The following STK32B variants were observed in gnomAD, a reference collection of about 807,000 sequenced individuals.
STK32B encodes serine/threonine-protein kinase 32B.
STK32B carries 43 observed loss-of-function variants against 52.6 expected under a neutral mutation model. The ratio of observed to expected loss-of-function variants is 0.82; its 90% CI spans 0.64 to 1.05. STK32B has a LOEUF of 1.05. Among genes scored for constraint, STK32B ranks in the 50% least tolerant of loss-of-function variants. The pLI, the probability that STK32B is intolerant of heterozygous loss-of-function variation, is 0.00. For synonymous variants in STK32B, 238 were observed against 204.3 expected (o/e 1.17, Z -1.41); for missense variants, 621 against 534.6 (o/e 1.16, Z -1.59).
intron 1 of STK32B, among the ~76,000 whole-genome samples, chr4:5,054,006 T>A (rs941702591): frequency 2.0e-5 from 3 of 146,790 alleles, no homozygotes; most frequent in Non-Finnish European, 3.0e-5. Context: ...TAAATAAATA[T>A]AAATAAATAT....
At chr4:5,330,273 C>A (rs755831181) in intron 3 of STK32B, among the ~76,000 whole-genome samples, 2 of 152,238 alleles carry the variant, frequency 1.3e-5, no homozygotes, top group East Asian at 1.9e-4. Context: ...AATTATTATA[C>A]CCTGTAAGTC....
intron 3 of STK32B, among the ~76,000 whole-genome samples, chr4:5,184,248 C>T (rs1418153214): frequency 6.6e-6 from 1 of 152,126 alleles, no homozygotes; most frequent in African/African-American, 2.4e-5. Flanking sequence ...AGTGTTATTG[C>T]TTGGCCTAAT....
chr4:5,159,689 A>G (rs192506535), intron 2 of STK32B, among the ~76,000 whole-genome samples: 2,286 of 104,600 alleles, frequency 0.022, 401 homozygotes, highest in African/African-American at 0.068. Flanking sequence ...ATATATGAAT[A>G]TATATGAATA....
At chr4:5,278,315 A>G (rs1727970427) in intron 3 of STK32B, among the ~76,000 whole-genome samples, 1 of 152,204 alleles carries the variant, frequency 6.6e-6, no homozygotes, top group African/African-American at 2.4e-5. Context: ...GGTCTGAGCC[A>G]ATGCTGCAGC....
Position 5,277,530 on chromosome 4 carries a change from G to A in STK32B, c.261-53690G>A, listed in dbSNP as rs148879866. On this transcript the variant is annotated intron_variant, in intron 3 of 11. Coordinates refer to ENST00000282908, the MANE Select transcript of STK32B (RefSeq NM_018401.3). The stretch of plus-strand genomic sequence containing the variant: ...TGATTCTTTGTTTGCTTATGAATGC[G>A]CTCCTGGACTCATTGTCTCCATTTG... Among the ~76,000 whole-genome samples, 18 of 152,130 alleles carry A rather than the reference G, an allele frequency of 1.2e-4. 1 individual carries two copies. Among genetic ancestry groups the A allele is most frequent in the South Asian group, 4.2e-4 (2 of 4,818 alleles).
chr4:5,205,180 A>G (rs548842425), intron 3 of STK32B, among the ~76,000 whole-genome samples: 2 of 151,120 alleles, frequency 1.3e-5, no homozygotes. Flanking sequence ...GACTTATATC[A>G]TTGCCTCTCC....
chr4:5,234,084 C>T (rs1054064203), intron 3 of STK32B, among the ~76,000 whole-genome samples: 1 of 152,050 alleles, frequency 6.6e-6, no homozygotes, highest in African/African-American at 2.4e-5. Context: ...GAGGTTTGTT[C>T]TGTTCTGGAC....
At chr4:5,171,856 T>C (rs1719398960) in intron 3 of STK32B, among the ~76,000 whole-genome samples, 1 of 151,066 alleles carries the variant, frequency 6.6e-6, no homozygotes, top group South Asian at 2.1e-4. Context: ...AAGTCATTGG[T>C]AGCTTGATGG....
intron 3 of STK32B, among the ~76,000 whole-genome samples, chr4:5,178,129 C>G (rs1325549747): frequency 1.3e-5 from 2 of 152,246 alleles, no homozygotes; most frequent in Admixed American, 6.5e-5. Context: ...GGCTCTGCCC[C>G]TGCAGCAGAC....
chr4:5,303,476 A>G (rs1342988162), intron 3 of STK32B, among the ~76,000 whole-genome samples: 1 of 151,768 alleles, frequency 6.6e-6, no homozygotes, highest in Non-Finnish European at 1.5e-5. Flanking sequence ...TCATTTGTAT[A>G]TTGTCTCTTT....
chr4:5,088,658 A>G (rs555954144), intron 1 of STK32B, among the ~76,000 whole-genome samples: 1 of 152,130 alleles, frequency 6.6e-6, no homozygotes, highest in East Asian at 1.9e-4. Context: ...AGAGATGGAT[A>G]CTTCAGTTTC....
intron 1 of STK32B, among the ~76,000 whole-genome samples, chr4:5,102,510 CTCCT>C (rs1209793458): frequency 2.9e-4 from 36 of 123,480 alleles, no homozygotes; most frequent in African/African-American, 9.7e-4. Context: ...CCCTCCCTCC[CTCCT>C]TCCTTCTTTC....
chr4:5,335,699 A>G (rs557718903), intron 4 of STK32B, among the ~76,000 whole-genome samples: 1 of 152,182 alleles, frequency 6.6e-6, no homozygotes, highest in Admixed American at 6.5e-5. Flanking sequence ...CGTTGGTTTC[A>G]AAGAACATCT....
chr4:5,122,478 C>G (rs762326900), intron 1 of STK32B, among the ~76,000 whole-genome samples: 1 of 152,098 alleles, frequency 6.6e-6, no homozygotes, highest in South Asian at 2.1e-4. Context: ...AACTCCTTCA[C>G]TCATTCATTC....
In STK32B at chr4:5,371,790, A is replaced by C. The variant is rs77915766; in HGVS notation, c.435-26417A>C. Among the ~76,000 whole-genome samples the C allele has an allele frequency of 9.3e-3, 1,410 of 152,362 alleles. 50 individuals are homozygous for C. The East Asian group carries it at 0.11, about 12-fold the overall frequency. On this transcript the variant is annotated intron_variant, in intron 4 of 11. Coordinates refer to ENST00000282908, the MANE Select transcript of STK32B (RefSeq NM_018401.3). ...GAACAGCATTGACTGAGTTCCAATG[A>C]AACTGTATTTCCAAAATCAAGACTT...
At chr4:5,471,064 A>T (rs1231927115) in intron 11 of STK32B, among the ~76,000 whole-genome samples, 1 of 152,198 alleles carries the variant, frequency 6.6e-6, no homozygotes, top group Non-Finnish European at 1.5e-5. Context: ...GGCATGCAGG[A>T]TCCCTGCACA....
Position 5,145,913 on chromosome 4 carries a change from G to A in STK32B, c.108+5953G>A, listed in dbSNP as rs1430734586. Among the ~76,000 whole-genome samples the A allele has an allele frequency of 2.0e-5, 3 of 152,072 alleles. No individual in the cohort carries two copies. The South Asian group carries it at 6.2e-4, about 32-fold the overall frequency. On this transcript the variant is annotated intron_variant, in intron 2 of 11. Transcript: ENST00000282908. ...TATGCCATTTGTATAAGAAAACCTG[G>A]CTCACCAAAACATACTCAATTCACA...
chr4:5,244,640 G>C (rs1039410036), intron 3 of STK32B, among the ~76,000 whole-genome samples: 11 of 152,004 alleles, frequency 7.2e-5, no homozygotes, highest in African/African-American at 2.7e-4. Context: ...GTTTGCTCTT[G>C]CTTCTCTAGT....
At chr4:5,361,356 T>C (rs1388748357) in intron 4 of STK32B, among the ~76,000 whole-genome samples, 1 of 152,226 alleles carries the variant, frequency 6.6e-6, no homozygotes, top group East Asian at 1.9e-4. Flanking sequence ...TGCTGGATCA[T>C]ATAGTAATTC....
Sources: gnomAD v4.1 joint callset for allele counts (sites outside exome capture counted in the v4.1 genomes callset) on GRCh38, gnomAD v4.1.1 for gene constraint, MANE v1.5 for transcripts, NCBI Gene and HGNC (gene_info 2026-07-23, HGNC 2026-07-21) for gene names.